Variants in PLEC observed in about 807,000 individuals in gnomAD.
PLEC encodes plectin.
Under a neutral mutation model 392.8 loss-of-function variants are expected in PLEC, and 216 were observed. The ratio of observed to expected loss-of-function variants is 0.55; its 90% CI spans 0.49 to 0.62. The LOEUF (loss-of-function observed/expected upper bound fraction) is 0.62. PLEC is among the 20% of genes least tolerant of loss of function. The pLI is 0.00. For missense variants in PLEC, 6,863 were observed against 6,563.4 expected, an observed-to-expected ratio of 1.05 and a Z score of -1.58; for synonymous variants, 3,621 against 2,980.6, an observed-to-expected ratio of 1.21 and a Z score of -7.00.
Position 143,918,520 on chromosome 8 carries a change from C to T in PLEC, c.11301G>A (p.Ala3767=), listed in dbSNP as rs374839579. 5.8e-5 allele frequency: 94 copies of T among 1,607,306 alleles called. No homozygotes were observed. The highest frequency in any genetic ancestry group is 1.6e-4 in the Middle Eastern group (1 of 6,072). Residue 3767 remains alanine, a synonymous_variant, in exon 32 of 32, where the codon GCG becomes GCA. Coordinates refer to ENST00000345136, the MANE Select transcript of PLEC (RefSeq NM_201384.3). ...LHDRLLSAER[A]VTGYRDPYTE... is the part of the protein sequence containing the mutation. ...TGTAGGGGTCACGGTAGCCGGTGAC[C>T]GCCCGCTCAGCCGAGAGCAGGCGGT...
chr8:143,933,468 A>C, intron 12 of PLEC, 117 bp from the exon 13 acceptor site: 1 of 1,219,724 alleles, frequency 8.2e-7, no homozygotes, highest in South Asian at 1.2e-5. Context: ...CACTGCCTCC[A>C]TCCCTGTCCT....
rs782459694 is a variant in PLEC, at chr8:143,925,348, C to T, written c.4581G>A (p.Ala1527=). 4.1e-5 allele frequency: 64 copies of T among 1,551,560 alleles called. No individual in the cohort carries two copies. Among genetic ancestry groups the T allele is most frequent in the Middle Eastern group, 2.0e-4 (1 of 5,044 alleles). ...GCAGGGCCCGCTGCTTCTCGCGCGCCGCCTCGGCCTCGGCCTTCACGCGCG... is the reference window on the plus strand; with the variant it reads ...GCAGGGCCCGCTGCTTCTCGCGCGCTGCCTCGGCCTCGGCCTTCACGCGCG... ...LASRVKAEAE[A]AREKQRALQA... is the part of the protein sequence containing the mutation. The change falls in exon 31 of 32, where the codon GCG becomes GCA. Residue 1527 remains alanine, a synonymous_variant. Transcript: ENST00000345136.
chr8:143,921,066 C>A lies in PLEC; in HGVS notation c.8755G>T (p.Gly2919Cys). The A allele has an allele frequency of 6.2e-7, 1 of 1,612,096 alleles. No homozygotes were observed. Among genetic ancestry groups the A allele is most frequent in the African/African-American group, 1.3e-5 (1 of 75,082 alleles). ...ATCTCCCAAATGGTCACCGTCTTGC[C>A]CTGGAACTTGCCGAACGGCGCAGAC... ...TVSAPFGKFQ[G>C]KTVTIWEIIN... Residue 2919 changes from glycine (G) to cysteine (C), a missense_variant, in exon 32 of 32, where the codon GGC becomes TGC. Physicochemically the swap from Gly to Cys is radical, Grantham distance 159. Coordinates refer to ENST00000345136, the MANE Select transcript of PLEC (RefSeq NM_201384.3).
Position 143,929,115 on chromosome 8 carries a change from A to G in PLEC, c.3248T>C (p.Ile1083Thr). ...CAGGTGCACTCACTTCTCCAGGTAG[A>G]TGGCAGACAGGCTGCGGACCTGCTC... ...KLEQVRSLSAIYLEKLKTISL... is the reference protein window; with the variant it reads ...KLEQVRSLSATYLEKLKTISL... The change falls in exon 25 of 32, where the codon ATC becomes ACC. Residue 1083 changes from isoleucine to threonine, a missense_variant. By Grantham distance (89) the Ile-to-Thr change is moderately conservative. Transcript: ENST00000345136. 1 of 1,578,268 alleles carries G rather than the reference A, an allele frequency of 6.3e-7. No homozygotes were observed. The highest frequency in any genetic ancestry group is 8.6e-7 in the Non-Finnish European group (1 of 1,162,816).
rs782241276 is a variant in PLEC, at chr8:143,934,095, C to G, written c.1170-4G>C. The stretch of plus-strand genomic sequence containing the variant: ...GATGCGCTGAAGACACTCCAGCCTG[C>G]AGCAGCAGCACAGGGAAGGGGCCGC... On this transcript the variant is annotated splice_region_variant and splice_polypyrimidine_tract_variant and intron_variant, in intron 11 of 31. Coordinates refer to ENST00000345136, the MANE Select transcript of PLEC (RefSeq NM_201384.3). The G allele has an allele frequency of 1.9e-6, 3 of 1,610,700 alleles. No homozygotes were observed. The Admixed American group carries it at 5.0e-5, about 27-fold the overall frequency.
At chr8:143,945,983 A>G (rs1202731509) in intron 1 of PLEC, among the ~76,000 whole-genome samples, 1 of 152,262 alleles carries the variant, frequency 6.6e-6, no homozygotes, top group Non-Finnish European at 1.5e-5. Flanking sequence ...AGCCCAGGAC[A>G]GCATCTGGCC....
chr8:143,937,290 G>T (rs782479991), intron 3 of PLEC, 48 bp from the exon 4 acceptor site: 2 of 1,464,310 alleles, frequency 1.4e-6, no homozygotes, highest in Admixed American at 1.7e-5. Flanking sequence ...CAGCTCCCGG[G>T]CCCCACCCTC....
intron 1 of PLEC, among the ~76,000 whole-genome samples, chr8:143,959,099 A>G (rs1157308267): frequency 6.6e-6 from 1 of 152,214 alleles, no homozygotes; most frequent in Non-Finnish European, 1.5e-5. Context: ...TCCCAGTGTG[A>G]GGCGAGGCTG....
rs559510708 is a variant in PLEC at position 143,918,403 on chromosome 8, G to A, written c.11418C>T (p.Thr3806=). 291 of 1,569,026 alleles carry A rather than the reference G, an allele frequency of 1.9e-4. 3 individuals are homozygous for A. The South Asian group carries it at 2.4e-3, about 13-fold the overall frequency. ...CCAGGCGGGGGTCCACGATGCCGCC[G>A]GTGGCCAGCTGGGCATCCAGCAGCC... The part of the protein sequence containing the change: ...ALRLLDAQLA[T]GGIVDPRLGF... Residue 3806 remains threonine, a synonymous_variant, in exon 32 of 32, where the codon ACC becomes ACT. Transcript: ENST00000345136.
In PLEC at chr8:143,969,572, C is replaced by T. The variant is rs1373243833; in HGVS notation, c.70+3831G>A. 1.3e-5 allele frequency among the ~76,000 whole-genome samples: 2 copies of T among 152,150 alleles called. No homozygotes were observed. The highest frequency in any genetic ancestry group is 4.8e-5 in the African/African-American group (2 of 41,486). On this transcript the variant is annotated intron_variant, in intron 1 of 31. Coordinates refer to the PLEC transcript ENST00000356346. The surrounding 1 kb of genome is among the most constrained non-coding windows in gnomAD (Gnocchi z 5.1). ...GAGACCTGGGGTGGGTGTGGCAGGG[C>T]GGGGACAGTTCTAGGAGAGAGTTGT...
At chr8:143,929,898 TCCCA>T (rs1268905844) in intron 22 of PLEC, 34 bp downstream of exon 22, 7 of 1,604,548 alleles carry the variant, frequency 4.4e-6, no homozygotes, top group Non-Finnish European at 5.9e-6. Flanking sequence ...TCTCCCCTCC[TCCCA>T]CCCAGAGAGC....
In PLEC at chr8:143,935,211, G is replaced by C. The variant is rs782461255; in HGVS notation, c.705C>G (p.Leu235=). The change falls in exon 7 of 32, where the codon CTC becomes CTG. Residue 235 remains leucine (L), a synonymous_variant. Transcript: ENST00000345136. ...ACGCAGACGTACCCTCAGGGTCCAGGAGCCGCGTCACTCCCAGGTCCCGCT... is the reference window on the plus strand; with the variant it reads ...ACGCAGACGTACCCTCAGGGTCCAGCAGCCGCGTCACTCCCAGGTCCCGCT... ...VAERDLGVTR[L]LDPEDVDVPQ... 1 of 1,612,650 alleles carries C rather than the reference G, an allele frequency of 6.2e-7. No individual in the cohort carries two copies. The highest frequency in any genetic ancestry group is 1.1e-5 in the South Asian group (1 of 91,078).
chr8:143,922,297 G>A lies in PLEC; in HGVS notation c.7524C>T (p.Phe2508=), dbSNP rs1016942423. The stretch of plus-strand genomic sequence containing the variant: ...CCAGCTTGGCCTTCTCCTGCTCGAT[G>A]AAGCGCTCCCGCTGTAGCAGGCTGT... ...EKDSLLQRER[F]IEQEKAKLEQ... Residue 2508 remains phenylalanine (F), a synonymous_variant, in exon 32 of 32, where the codon TTC becomes TTT. Coordinates refer to ENST00000345136, the MANE Select transcript of PLEC (RefSeq NM_201384.3). 11 of 1,607,390 alleles carry A rather than the reference G, an allele frequency of 6.8e-6. No individual in the cohort carries two copies. The highest frequency in any genetic ancestry group is 1.3e-5 in the African/African-American group (1 of 74,922).
At chr8:143,936,057 C>A in intron 5 of PLEC, 43 bp from the exon 6 acceptor site, 1 of 1,603,984 alleles carries the variant, frequency 6.2e-7, no homozygotes, top group Non-Finnish European at 8.5e-7. Context: ...CCACAGCCAC[C>A]AGGCCTGCTC....
intron 25 of PLEC, 141 bp downstream of exon 25, chr8:143,928,962 C>G: frequency 1.3e-6 from 1 of 757,514 alleles, no homozygotes; most frequent in South Asian, 1.6e-5. Flanking sequence ...GCCACCACCC[C>G]AGCTGGGCCT....
chr8:143,916,880 G>A lies in PLEC; in HGVS notation c.12941C>T (p.Ala4314Val), dbSNP rs1057519154. The A allele has an allele frequency of 3.1e-6, 5 of 1,612,470 alleles. No homozygotes were observed. The highest frequency in any genetic ancestry group is 4.2e-6 in the Non-Finnish European group (5 of 1,179,790). The change falls in exon 32 of 32, where the codon GCG becomes GTG. Residue 4314 changes from alanine to valine, a missense_variant. By Grantham distance (64) the Ala-to-Val change is moderately conservative (BLOSUM62 0). Transcript: ENST00000345136. The part of the protein sequence containing the change: ...DNITGQRLLE[A>V]QACTGGIIDP... The stretch of plus-strand genomic sequence containing the variant: ...GATGATGCCCCCGGTGCAGGCCTGC[G>A]CCTCCAGCAGCCGCTGCCCCGTGAT...
rs782818883 is a variant in PLEC at position 143,934,750 on chromosome 8, C to A, written c.946-20G>T. ...CAGGATCTGCCAGGGACGAGGCTGT[C>A]GGCAACCACGCCGGGCTCTCAGGGC... is the stretch of plus-strand genomic sequence containing the variant. On this transcript the variant is annotated intron_variant, in intron 9 of 31. Coordinates refer to ENST00000345136, the MANE Select transcript of PLEC (RefSeq NM_201384.3). 2 of 1,612,118 alleles carry A rather than the reference C, an allele frequency of 1.2e-6. No individual in the cohort carries two copies. The highest frequency in any genetic ancestry group is 2.2e-5 in the South Asian group (2 of 91,084).
chr8:143,939,407 T>C lies in PLEC; in HGVS notation c.55A>G (p.Thr19Ala), dbSNP rs781882798. 4.0e-5 allele frequency: 64 copies of C among 1,612,728 alleles called. No individual in the cohort carries two copies. The East Asian group carries it at 1.4e-3, about 34-fold the overall frequency. ...PQPEGLGRKR[T>A]SSEDNLYLAV... ...AGGTACAGGTTGTCCTCCGAGCTGGTTCTCTTTCGGCCCAGGCCCTCGGGC... is the reference window on the plus strand; with the variant it reads ...AGGTACAGGTTGTCCTCCGAGCTGGCTCTCTTTCGGCCCAGGCCCTCGGGC... Residue 19 changes from threonine to alanine, a missense_variant, in exon 1 of 32, where the codon ACC becomes GCC. Coordinates refer to ENST00000345136, the MANE Select transcript of PLEC (RefSeq NM_201384.3).
In PLEC at chr8:143,925,536, C is replaced by A; in HGVS notation, c.4393G>T (p.Glu1465Ter). The change falls in exon 31 of 32, where the codon GAG (glutamate) becomes TAG (stop). Residue 1465 changes from glutamate to a stop codon, truncating the protein, a stop_gained. Coordinates refer to ENST00000345136, the MANE Select transcript of PLEC (RefSeq NM_201384.3). LOFTEE classifies it high-confidence loss of function. ...RVVRLQLEAT[E>*]RQRGGAEGEL... ...CCCTCAGCCCCGCCACGCTGGCGCT[C>A]GGTGGCCTCCAACTGCAGGCGCACC... 1.3e-6 allele frequency: 2 copies of A among 1,594,716 alleles called. No individual in the cohort carries two copies. Among genetic ancestry groups the A allele is most frequent in the Non-Finnish European group, 1.7e-6 (2 of 1,177,774 alleles).
Sources: allele counts gnomAD v4.1 joint callset (sites outside exome capture counted in the v4.1 genomes callset), GRCh38; gene constraint gnomAD v4.1.1; non-coding constraint Gnocchi (gnomAD v3.1); transcripts MANE v1.5; gene names NCBI Gene and HGNC (gene_info 2026-07-23, HGNC 2026-07-21).